The following NCKAP1L variants were observed in gnomAD, a reference collection of about 807,000 sequenced individuals.
The protein encoded by NCKAP1L is nck-associated protein 1-like.
NCKAP1L carries 53 observed loss-of-function variants against 139.2 expected under a neutral mutation model. The observed-to-expected ratio is 0.38, with a 90% confidence interval of 0.31 to 0.48. The LOEUF (loss-of-function observed/expected upper bound fraction) is 0.48, where lower values mean the gene tolerates loss of function less well. NCKAP1L is among the 20% of genes least tolerant of loss of function. NCKAP1L has a pLI of 0.98. For missense variants in NCKAP1L, 1,151 were observed against 1,381.9 expected (o/e 0.83, Z 2.65); for synonymous variants, 468 against 499.7 (o/e 0.94, Z 0.85).
In NCKAP1L at chr12:54,540,066, G is replaced by A. The variant is rs11170968; in HGVS notation, c.3273+1093G>A. On this transcript the variant is annotated intron_variant, in intron 30 of 30. Transcript: ENST00000293373. ...CTGTTCTGGTGCAGAACTTGGAGGA[G>A]CCCAAAAATTCTTAATTCAAACCTG... 5.9e-5 allele frequency among the ~76,000 whole-genome samples: 9 copies of A among 152,328 alleles called. No homozygotes were observed. In the East Asian group the frequency reaches 1.7e-3, roughly 29 times the overall value.
rs772564700 is a variant in NCKAP1L, at chr12:54,542,669, C to A, written c.3368C>A (p.Ala1123Asp). ...AATGCCTATCGGGAGGTGTCTCGGG[C>A]CTTCCACCTAAACTGAATGCCTGCC... ...LRNAYREVSR[A>D]FHLN The change falls in exon 31 of 31, where the codon GCC (alanine) becomes GAC (aspartate). Residue 1123 changes from alanine (A) to aspartate (D), a missense_variant. By Grantham distance (126) the Ala-to-Asp change is moderately radical. Transcript: ENST00000293373. 31 of 1,613,552 alleles carry A rather than the reference C, an allele frequency of 1.9e-5. No individual in the cohort carries two copies. In the East Asian group the frequency reaches 6.9e-4, roughly 36 times the overall value.
intron 30 of NCKAP1L, among the ~76,000 whole-genome samples, chr12:54,539,794 T>C (rs1403441651): frequency 2.6e-5 from 4 of 152,100 alleles, no homozygotes; most frequent in African/African-American, 7.2e-5. Flanking sequence ...TTGAGGCCCA[T>C]ACGAGAGATA....
intron 22 of NCKAP1L, among the ~76,000 whole-genome samples, chr12:54,528,927 C>T (rs1223838969): frequency 1.3e-5 from 2 of 152,076 alleles, no homozygotes; most frequent in Non-Finnish European, 2.9e-5. Context: ...GAGCCACCAC[C>T]CCCAGCCAGC....
At chr12:54,533,237 G>A (rs1957086930) in intron 26 of NCKAP1L, among the ~76,000 whole-genome samples, 1 of 152,182 alleles carries the variant, frequency 6.6e-6, no homozygotes, top group South Asian at 2.1e-4. Flanking sequence ...AGCTTGTCTA[G>A]CTGATATCTC....
At chr12:54,503,044 T>C (rs1223623337) in intron 3 of NCKAP1L, among the ~76,000 whole-genome samples, 1 of 151,032 alleles carries the variant, frequency 6.6e-6, no homozygotes, top group Non-Finnish European at 1.5e-5. Flanking sequence ...CCCAAACTAA[T>C]ATACAGCCCA....
chr12:54,523,731 T>A, intron 19 of NCKAP1L, 94 bp from the exon 20 acceptor site: 1 of 1,511,706 alleles, frequency 6.6e-7, no homozygotes, highest in Non-Finnish European at 8.9e-7. Flanking sequence ...CTAGGCTGAG[T>A]ATCCCTAGAA....
At chr12:54,521,326 C>T in intron 18 of NCKAP1L, 88 bp downstream of exon 18, 2 of 1,548,676 alleles carry the variant, frequency 1.3e-6, no homozygotes, top group Non-Finnish European at 1.8e-6. Flanking sequence ...TCTCAGATGC[C>T]AAGCTCAGTA....
Position 54,512,082 on chromosome 12 carries a change from G to A in NCKAP1L, c.918G>A (p.Glu306=). ...TGCTGCAGGTGCACAAAGTCACCGA[G>A]GACCTGTTTAGCAGTTTGAAAGGGT... is the stretch of plus-strand genomic sequence containing the variant. ...EDVLQVHKVT[E]DLFSSLKGYG... is the part of the protein sequence containing the mutation. Residue 306 remains glutamate (E), a synonymous_variant, in exon 9 of 31, where the codon GAG becomes GAA. Coordinates refer to ENST00000293373, the MANE Select transcript of NCKAP1L (RefSeq NM_005337.5). 6.2e-7 allele frequency: 1 copy of A among 1,614,090 alleles called. No individual in the cohort carries two copies. Among genetic ancestry groups the A allele is most frequent in the Non-Finnish European group, 8.5e-7 (1 of 1,179,990 alleles).
intron 25 of NCKAP1L, 102 bp from the exon 26 acceptor site, chr12:54,532,068 T>A (rs1957076579): frequency 1.0e-6 from 1 of 962,934 alleles, no homozygotes; most frequent in Non-Finnish European, 1.5e-6. Flanking sequence ...TAGGTTCTTA[T>A]CTAAATTGAG....
chr12:54,519,391 T>C, intron 16 of NCKAP1L, 59 bp downstream of exon 16: 2 of 1,318,030 alleles, frequency 1.5e-6, no homozygotes, highest in Non-Finnish European at 2.0e-6. Context: ...TTTCATTTTT[T>C]TCTCCATTAT....
rs1264930248 is a variant in NCKAP1L, at chr12:54,538,961, G to C, written c.3261G>C (p.Leu1087=). 6.2e-7 allele frequency: 1 copy of C among 1,613,776 alleles called. No individual in the cohort carries two copies. The highest frequency in any genetic ancestry group is 2.2e-5 in the East Asian group (1 of 44,896). ...CCAGAAATCGAGAATCCATTTCTCT[G>C]CTCATGCGCTTGGTAAGTACCTTAT... ...LKTRNRESIS[L]LMRLVVEESS... is the part of the protein sequence containing the mutation. The change falls in exon 30 of 31, where the codon CTG becomes CTC. Residue 1087 remains leucine (L), a synonymous_variant. Transcript: ENST00000293373.
chr12:54,498,216 T>G (rs1039599587), intron 1 of NCKAP1L, among the ~76,000 whole-genome samples: 1 of 152,172 alleles, frequency 6.6e-6, no homozygotes, highest in Non-Finnish European at 1.5e-5. Flanking sequence ...GGGTCCAACC[T>G]TCTGGGTTTT....
rs373464307 is a variant in NCKAP1L, at chr12:54,536,941, T to C, written c.3074-3T>C. 102 of 1,595,232 alleles carry C rather than the reference T, an allele frequency of 6.4e-5. 1 individual carries two copies. In the African/African-American group the frequency reaches 1.1e-3, roughly 17 times the overall value. On this transcript the variant is annotated splice_polypyrimidine_tract_variant and splice_region_variant and intron_variant, in intron 28 of 30. Transcript: ENST00000293373. Reference sequence around the variant, plus strand: ...CTCTCCATCTATATCAATAATAACCTAGGTTACAACAACAATATTCATTGC... The same window carrying C: ...CTCTCCATCTATATCAATAATAACCCAGGTTACAACAACAATATTCATTGC...
At position 54,499,499 on chromosome 12, in the gene NCKAP1L, T is replaced by C. The variant is rs1432886772; in HGVS notation, c.213+34T>C. On this transcript the variant is annotated intron_variant, in intron 2 of 30. Transcript: ENST00000293373. The stretch of plus-strand genomic sequence containing the variant: ...TTGGTCCTTCTCTCCTTTCTCTGAA[T>C]AATTCTCTGCTTGAATGGCTGAAAT... 4.0e-6 allele frequency: 5 copies of C among 1,236,928 alleles called. No individual in the cohort carries two copies. The South Asian group carries it at 6.0e-5, about 15-fold the overall frequency. 76.6% of individuals were successfully genotyped at this position (1,236,928 alleles called of 1,614,324 possible).
chr12:54,517,473 CTGTGCTT>C, intron 11 of NCKAP1L, 53 bp from the exon 12 acceptor site: 4 of 1,088,462 alleles, frequency 3.7e-6, no homozygotes, highest in Non-Finnish European at 5.7e-6. Context: ...GTAGTTTACT[CTGTGCTT>C]TGAAATCCAT....
intron 4 of NCKAP1L, 29 bp downstream of exon 4, chr12:54,507,938 G>A (rs377389264): frequency 2.3e-5 from 37 of 1,608,286 alleles, no homozygotes; most frequent in Middle Eastern, 1.7e-4. Context: ...CTCTTCTATC[G>A]TAGAGTCAAA....
chr12:54,531,014 G>C (rs894218285), intron 22 of NCKAP1L, among the ~76,000 whole-genome samples: 4 of 152,204 alleles, frequency 2.6e-5, no homozygotes, highest in Admixed American at 2.6e-4. Flanking sequence ...TTATAGGAAA[G>C]TAAAGTAATT....
chr12:54,509,788 C>G, intron 6 of NCKAP1L, 29 bp downstream of exon 6: 1 of 1,614,152 alleles, frequency 6.2e-7, no homozygotes. Flanking sequence ...GAGAATTCCT[C>G]AGGCAAAAGT....
chr12:54,513,963 T>C (rs1271751946), intron 9 of NCKAP1L, among the ~76,000 whole-genome samples: 2 of 124,738 alleles, frequency 1.6e-5, no homozygotes, highest in Admixed American at 1.8e-4. Flanking sequence ...ATGTGCATCC[T>C]TCAGATGTGT....
Sources: gnomAD v4.1 joint callset for allele counts (sites outside exome capture counted in the v4.1 genomes callset) on GRCh38, gnomAD v4.1.1 for gene constraint, MANE v1.5 for transcripts, NCBI Gene and HGNC (gene_info 2026-07-23, HGNC 2026-07-21) for gene names.